Variants in RNF145 observed in about 807,000 individuals in gnomAD.
RNF145 encodes ring finger protein 145.
Under a neutral mutation model 57.3 loss-of-function variants are expected in RNF145, and 12 were observed. The observed-to-expected ratio is 0.21, with a 90% CI of 0.13 to 0.34. RNF145 has a LOEUF of 0.34. Among genes scored for constraint, RNF145 ranks in the 10% least tolerant of loss-of-function variants. The pLI is 1.00. For synonymous variants in RNF145, 262 were observed against 288.3 expected, an observed-to-expected ratio of 0.91 and a Z score of 0.92; for missense variants, 429 against 799.0, an observed-to-expected ratio of 0.54 and a Z score of 5.58.
intron 4 of RNF145, among the ~76,000 whole-genome samples, chr5:159,177,247 A>G (rs1042736391): frequency 6.6e-6 from 1 of 152,124 alleles, no homozygotes; most frequent in African/African-American, 2.4e-5. Flanking sequence ...GTTCTGGTCT[A>G]TAGGTGAAAG....
chr5:159,209,177 G>A, intron 1 of RNF145, 54 bp downstream of exon 1: 2 of 793,154 alleles, frequency 2.5e-6, no homozygotes, highest in Non-Finnish European at 3.0e-6. Context: ...GAGGCCGTGG[G>A]AAGCGGCCGG....
chr5:159,162,436 T>TC (rs776022391), intron 9 of RNF145, among the ~76,000 whole-genome samples: 1 of 148,614 alleles, frequency 6.7e-6, no homozygotes, highest in Non-Finnish European at 1.5e-5. Flanking sequence ...TTTTTTTTTT[T>TC]TTTTTTTTTG....
intron 3 of RNF145, among the ~76,000 whole-genome samples, chr5:159,190,860 C>A (rs1015669515): frequency 6.6e-6 from 1 of 151,744 alleles, no homozygotes; most frequent in Non-Finnish European, 1.5e-5. Context: ...TCTTTACTAG[C>A]CTTTTGTGAG....
chr5:159,187,317 T>A (rs1333060695), intron 3 of RNF145, among the ~76,000 whole-genome samples: 2 of 150,578 alleles, frequency 1.3e-5, no homozygotes, highest in Non-Finnish European at 3.0e-5. Context: ...TTTATCTAGT[T>A]TTTTTTTTTA....
intron 1 of RNF145, chr5:159,207,677 T>C: frequency 6.2e-7 from 1 of 1,613,004 alleles, no homozygotes; most frequent in Non-Finnish European, 8.5e-7. Flanking sequence ...ACGCATTTCT[T>C]ACATAAGCAA....
intron 10 of RNF145, among the ~76,000 whole-genome samples, chr5:159,159,335 C>T (rs536893188): frequency 2.6e-5 from 4 of 152,156 alleles, no homozygotes; most frequent in Non-Finnish European, 5.9e-5. Flanking sequence ...AAGTGTTACA[C>T]AATTGTTGCA....
At chr5:159,169,290 A>C (rs1405327726) in intron 7 of RNF145, among the ~76,000 whole-genome samples, 1 of 152,240 alleles carries the variant, frequency 6.6e-6, no homozygotes, top group Non-Finnish European at 1.5e-5. Context: ...AATGAGGGCA[A>C]AAATAATAAC....
intron 9 of RNF145, among the ~76,000 whole-genome samples, chr5:159,162,597 G>C (rs1034783120): frequency 2.0e-5 from 3 of 151,322 alleles, no homozygotes; most frequent in Admixed American, 2.0e-4. Context: ...ACCGCGCCCG[G>C]CTAATTTTTT....
At chr5:159,160,085 C>T (rs186386911) in intron 10 of RNF145, among the ~76,000 whole-genome samples, 54 of 152,208 alleles carry the variant, frequency 3.5e-4, no homozygotes, top group Admixed American at 3.2e-3. Context: ...CTTGAATCCC[C>T]GAGATGGAAT....
At chr5:159,183,568 A>C (rs1371049549) in intron 3 of RNF145, among the ~76,000 whole-genome samples, 2 of 152,344 alleles carry the variant, frequency 1.3e-5, no homozygotes, top group African/African-American at 4.8e-5. Flanking sequence ...TAGAAAACTA[A>C]AAAATTAAAA....
At chr5:159,209,191 G>A in intron 1 of RNF145, 40 bp downstream of exon 1, 1 of 917,870 alleles carries the variant, frequency 1.1e-6, no homozygotes. Context: ...CGGCCGGGGG[G>A]CGCGGGGATG....
intron 3 of RNF145, among the ~76,000 whole-genome samples, chr5:159,183,411 AG>A (rs1291215568): frequency 6.6e-6 from 1 of 152,168 alleles, no homozygotes; most frequent in Non-Finnish European, 1.5e-5. Flanking sequence ...GTCAATGCAA[AG>A]GCTAGCCCCT....
chr5:159,162,495 C>T lies in RNF145; in HGVS notation c.1269+437G>A, dbSNP rs540304804. Among the ~76,000 whole-genome samples, 14 of 146,268 alleles carry T rather than the reference C, an allele frequency of 9.6e-5. No homozygotes were observed. In the East Asian group the frequency reaches 2.6e-3, roughly 27 times the overall value. ...CAGGCCGGACTGCGGACTGCAGTGG[C>T]GCAATCTCGGCTCACTGCAAGCTCC... On this transcript the variant is annotated intron_variant, in intron 9 of 10. Transcript: ENST00000424310.
At chr5:159,197,398 T>C (rs906071842) in intron 2 of RNF145, among the ~76,000 whole-genome samples, 2 of 152,206 alleles carry the variant, frequency 1.3e-5, no homozygotes, top group Non-Finnish European at 2.9e-5. Context: ...AATTTAGACT[T>C]AGCTAATGGT....
rs1395900615 is a variant in RNF145 at position 159,157,673 on chromosome 5, A to G, written c.*997T>C. The G allele has an allele frequency of 1.3e-5, 2 of 152,758 alleles. No homozygotes were observed. 9.5% of individuals were successfully genotyped at this position (152,758 alleles called of 1,614,324 possible). ...ATTTAAATATGACACATCCTTGTCA[A>G]AGAAAAGGTGCAAAGTCTATTAACA... On this transcript the variant is annotated 3_prime_UTR_variant, in exon 11 of 11. Coordinates refer to ENST00000424310, the MANE Select transcript of RNF145 (RefSeq NM_001199383.2).
intron 3 of RNF145, among the ~76,000 whole-genome samples, chr5:159,189,478 T>C (rs1471659774): frequency 6.6e-6 from 1 of 152,210 alleles, no homozygotes; most frequent in Non-Finnish European, 1.5e-5. Flanking sequence ...GTAGACAAAT[T>C]GGAAGCCTCA....
Position 159,187,627 on chromosome 5 carries a change from T to C in RNF145, c.294-5576A>G, listed in dbSNP as rs543175540. ...CAGGCGTGTGCCACCACTCCCGGCCTATCTATAGTAGTTCTTAACTGAGGA... is the reference window on the plus strand; with the variant it reads ...CAGGCGTGTGCCACCACTCCCGGCCCATCTATAGTAGTTCTTAACTGAGGA... On this transcript the variant is annotated intron_variant, in intron 3 of 10. Transcript: ENST00000424310. Among the ~76,000 whole-genome samples the C allele has an allele frequency of 3.0e-3, 461 of 152,224 alleles. 2 individuals carry two copies. The highest frequency in any genetic ancestry group is 5.0e-3 in the Non-Finnish European group (337 of 68,016).
intron 8 of RNF145, among the ~76,000 whole-genome samples, chr5:159,163,410 CAGGG>C (rs1446895011): frequency 1.3e-5 from 2 of 152,176 alleles, no homozygotes; most frequent in Non-Finnish European, 2.9e-5. Flanking sequence ...CTGGTTAAGA[CAGGG>C]AGGGAGTATT....
chr5:159,190,987 A>C (rs1785270504), intron 3 of RNF145, among the ~76,000 whole-genome samples: 2 of 152,030 alleles, frequency 1.3e-5, no homozygotes, highest in Non-Finnish European at 2.9e-5. Flanking sequence ...CATTGTCTAC[A>C]AAGGGGTATC....
Sources: gnomAD v4.1 joint callset for allele counts (sites outside exome capture counted in the v4.1 genomes callset) on GRCh38, gnomAD v4.1.1 for gene constraint, MANE v1.5 for transcripts, NCBI Gene and HGNC (gene_info 2026-07-23, HGNC 2026-07-21) for gene names.